Variants in WNT3 observed in about 807,000 individuals in gnomAD.
WNT3 encodes the protein proto-oncogene Wnt-3.
Under a neutral mutation model 34.2 loss-of-function variants are expected in WNT3, and 7 were observed. That is an observed-to-expected ratio of 0.20 (90% CI 0.12 to 0.38). The LOEUF (loss-of-function observed/expected upper bound fraction) is 0.38. Ranked by LOEUF, WNT3 falls within the 10% of genes least tolerant of loss-of-function variation. WNT3 has a pLI of 1.00. For synonymous variants in WNT3, 212 were observed against 211.5 expected (o/e 1.00, Z -0.02); for missense variants, 267 against 499.8 (o/e 0.53, Z 4.44).
chr17:46,817,512 C>T (rs560208026), intron 1 of WNT3, among the ~76,000 whole-genome samples: 1 of 152,176 alleles, frequency 6.6e-6, no homozygotes, highest in Non-Finnish European at 1.5e-5. Context: ...CCCCTCTGGC[C>T]CCTGGGACCT....
intron 1 of WNT3, among the ~76,000 whole-genome samples, chr17:46,816,311 G>C (rs544609286): frequency 6.6e-6 from 1 of 152,036 alleles, no homozygotes; most frequent in Admixed American, 6.5e-5. Context: ...GCTCACACTC[G>C]TGTGCAGACA....
At chr17:46,788,565 A>G (rs2083936710) in intron 1 of WNT3, among the ~76,000 whole-genome samples, 1 of 152,126 alleles carries the variant, frequency 6.6e-6, no homozygotes, top group African/African-American at 2.4e-5. Flanking sequence ...CTCCAATTCA[A>G]ATTGTTCCCT....
At chr17:46,774,602 G>A (rs1295872087) in intron 1 of WNT3, among the ~76,000 whole-genome samples, 1 of 152,222 alleles carries the variant, frequency 6.6e-6, no homozygotes, top group Non-Finnish European at 1.5e-5. Flanking sequence ...GAGTCAGAAG[G>A]GAGATCTCAG....
chr17:46,765,842 T>G (rs2059307742), intron 4 of WNT3, among the ~76,000 whole-genome samples: 1 of 152,200 alleles, frequency 6.6e-6, no homozygotes, highest in Admixed American at 6.5e-5. Flanking sequence ...CAGAACACAG[T>G]TCTCATCCCC....
rs561492864 is a variant in WNT3, at chr17:46,794,758, T to C, written c.81-20849A>G. ...TCTTTCTTTCTTTCTTTTTCTTTTT[T>C]TTTTTTTTTTTTAACAGATTCTTGC... On this transcript the variant is annotated intron_variant, in intron 1 of 4. Transcript: ENST00000225512. Among the ~76,000 whole-genome samples the C allele has an allele frequency of 3.3e-4, 49 of 149,636 alleles. No homozygotes were observed. In the East Asian group the frequency reaches 7.6e-3, roughly 23 times the overall value.
intron 4 of WNT3, among the ~76,000 whole-genome samples, chr17:46,764,859 C>T (rs757189079): frequency 2.0e-5 from 3 of 152,170 alleles, no homozygotes; most frequent in Admixed American, 6.5e-5. Flanking sequence ...GATCGAAATT[C>T]TACCTCCCCC....
rs1043363244 is a variant in WNT3 at position 46,768,486 on chromosome 17, T to C, written c.902A>G (p.Asn301Ser). The C allele has an allele frequency of 2.3e-5, 37 of 1,613,968 alleles. No individual in the cohort carries two copies. Among genetic ancestry groups the C allele is most frequent in the Non-Finnish European group, 3.1e-5 (36 of 1,180,032 alleles). ...GCCATCGATGCCGTGGGAGGTGACA[T>C]TGCAAGTCCGGTCCCTTGTGCCAAA... ...GSFGTRDRTC[N>S]VTSHGIDGCD... The change falls in exon 4 of 5, where the codon AAT (asparagine) becomes AGT (serine). Residue 301 changes from asparagine (N) to serine (S), a missense_variant. Coordinates refer to ENST00000225512, the MANE Select transcript of WNT3 (RefSeq NM_030753.5). The surrounding 1 kb of genome is among the most constrained non-coding windows in gnomAD (Gnocchi z 5.0).
At chr17:46,812,930 C>T (rs947434003) in intron 1 of WNT3, among the ~76,000 whole-genome samples, 2 of 152,150 alleles carry the variant, frequency 1.3e-5, no homozygotes, top group African/African-American at 4.8e-5. Context: ...AATCATTACA[C>T]TCATTTTACA....
chr17:46,773,640 TC>T (rs368579618), intron 2 of WNT3, 27 bp downstream of exon 2: 7,757 of 315,414 alleles, frequency 0.025, no homozygotes, highest in East Asian at 0.042. Flanking sequence ...ACCCAGCCCC[TC>T]CCCCCCCCTC....
At chr17:46,809,549 G>A (rs2084244242) in intron 1 of WNT3, among the ~76,000 whole-genome samples, 1 of 152,204 alleles carries the variant, frequency 6.6e-6, no homozygotes, top group Non-Finnish European at 1.5e-5. Flanking sequence ...CTGTCTCCTA[G>A]TTTGCTAGGC....
At chr17:46,784,753 C>G (rs1484952131) in intron 1 of WNT3, among the ~76,000 whole-genome samples, 2 of 151,116 alleles carry the variant, frequency 1.3e-5, no homozygotes, top group Non-Finnish European at 2.9e-5. Context: ...CCTACCTCCT[C>G]TGCGCTTTCC....
intron 1 of WNT3, among the ~76,000 whole-genome samples, chr17:46,812,316 A>G (rs1182566039): frequency 6.6e-6 from 1 of 150,920 alleles, no homozygotes; most frequent in Admixed American, 6.6e-5. Context: ...CTGCCTCCCC[A>G]CACATACCTC....
At chr17:46,787,618 G>A (rs1271168315) in intron 1 of WNT3, among the ~76,000 whole-genome samples, 1 of 152,152 alleles carries the variant, frequency 6.6e-6, no homozygotes, top group African/African-American at 2.4e-5. Flanking sequence ...CTGAAGGCTG[G>A]GCCTCATTCA....
At chr17:46,809,442 G>A (rs2084241717) in intron 1 of WNT3, among the ~76,000 whole-genome samples, 1 of 152,194 alleles carries the variant, frequency 6.6e-6, no homozygotes, top group Non-Finnish European at 1.5e-5. Context: ...AGACCTGGGT[G>A]CTTGGTCCTG....
chr17:46,814,952 C>A (rs999361974), intron 1 of WNT3, among the ~76,000 whole-genome samples: 17 of 152,162 alleles, frequency 1.1e-4, no homozygotes, highest in Admixed American at 3.9e-4. Context: ...CTGCCCTTGT[C>A]CTCTGCAAAA....
intron 4 of WNT3, among the ~76,000 whole-genome samples, chr17:46,766,355 C>A (rs1322617436): frequency 6.6e-6 from 1 of 151,890 alleles, no homozygotes; most frequent in East Asian, 1.9e-4. Context: ...TTACAGTGAG[C>A]CGAGATTGCG....
Position 46,768,921 on chromosome 17 carries a change from A to G in WNT3, c.589-122T>C. On this transcript the variant is annotated intron_variant, in intron 3 of 4. Transcript: ENST00000225512. The surrounding 1 kb of genome is among the most constrained non-coding windows in gnomAD (Gnocchi z 5.0). ...GCCTTCTCTACTCCTCTGTGACAGG[A>G]AGAGAACTGATGGGGACTGAGGCAA... The G allele has an allele frequency of 7.0e-7, 1 of 1,435,580 alleles. No homozygotes were observed. Among genetic ancestry groups the G allele is most frequent in the Non-Finnish European group, 9.3e-7 (1 of 1,074,868 alleles). The allele number at this position is 1,435,580 out of a possible 1,614,324, so 88.9% of individuals were successfully genotyped here. A position where few individuals can be genotyped will look rare whatever the true frequency, so the allele number is the denominator to read the frequency against.
chr17:46,767,575 C>T (rs542830413), intron 4 of WNT3, among the ~76,000 whole-genome samples: 20 of 152,250 alleles, frequency 1.3e-4, no homozygotes, highest in Middle Eastern at 3.4e-3. Flanking sequence ...AAAGCTGAGG[C>T]CCAGAAAAGT....
chr17:46,763,843 A>AAAAAC lies in WNT3; in HGVS notation c.*786_*787insGTTTT, dbSNP rs1568069794. ...GGTCCACTACCACCAAAAAAAAAAA[A>AAAAAC]AAACAAAAAAACAAAAAAAAAACTG... On this transcript the variant is annotated 3_prime_UTR_variant, in exon 5 of 5. Coordinates refer to ENST00000225512, the MANE Select transcript of WNT3 (RefSeq NM_030753.5). 1 of 149,322 alleles carries AAAAAC rather than the reference A, an allele frequency of 6.7e-6. No homozygotes were observed. The highest frequency in any genetic ancestry group is 2.5e-5 in the African/African-American group (1 of 39,832). 9.2% of individuals were successfully genotyped at this position (149,322 alleles called of 1,614,324 possible). A position where few individuals can be genotyped will look rare whatever the true frequency, so the allele number is the denominator to read the frequency against.
Sources: gnomAD v4.1 joint callset for allele counts (sites outside exome capture counted in the v4.1 genomes callset) on GRCh38, gnomAD v4.1.1 for gene constraint, Gnocchi (gnomAD v3.1) non-coding constraint, MANE v1.5 for transcripts, NCBI Gene and HGNC (gene_info 2026-07-23, HGNC 2026-07-21) for gene names.